LCLAT1: variants seen among roughly 807,000 people sequenced by gnomAD.
LCLAT1 encodes the protein lysocardiolipin acyltransferase 1.
Under a neutral mutation model 30.7 loss-of-function variants are expected in LCLAT1, and 11 were observed. The ratio of observed to expected loss-of-function variants is 0.36; its 90% confidence interval spans 0.23 to 0.59. The LOEUF (loss-of-function observed/expected upper bound fraction) is 0.59. Ranked by LOEUF, LCLAT1 falls within the 20% of genes least tolerant of loss-of-function variation. The pLI, the probability that LCLAT1 is intolerant of heterozygous loss-of-function variation, is 0.77. For missense variants in LCLAT1, 402 were observed against 458.6 expected (o/e 0.88, Z 1.13); for synonymous variants, 155 against 151.3 (o/e 1.02, Z -0.18).
At chr2:30,498,920 T>G (rs1684237077) in intron 1 of LCLAT1, among the ~76,000 whole-genome samples, 1 of 152,182 alleles carries the variant, frequency 6.6e-6, no homozygotes, top group South Asian at 2.1e-4. Flanking sequence ...ATCTCTAAAG[T>G]TACGTGTTTG....
intron 5 of LCLAT1, among the ~76,000 whole-genome samples, chr2:30,579,158 CT>C (rs1666113527): frequency 6.6e-6 from 1 of 151,988 alleles, no homozygotes; most frequent in Non-Finnish European, 1.5e-5. Context: ...TATTTTAAAA[CT>C]TTAGGGATGG....
At chr2:30,548,690 T>C (rs1664540558) in intron 3 of LCLAT1, among the ~76,000 whole-genome samples, 1 of 152,094 alleles carries the variant, frequency 6.6e-6, no homozygotes, top group African/African-American at 2.4e-5. Context: ...GGAAGGAAAA[T>C]AAAGGGATAA....
Position 30,640,248 on chromosome 2 carries a change from A to C in LCLAT1, c.760A>C (p.Thr254Pro). The C allele has an allele frequency of 6.2e-7, 1 of 1,614,034 alleles. No individual in the cohort carries two copies. The highest frequency in any genetic ancestry group is 8.5e-7 in the Non-Finnish European group (1 of 1,179,962). ...TCACGTCCACCGGTATCCAATAGACACCCTCCCCACATCCAAGGAGGACCT... is the reference window on the plus strand; with the variant it reads ...TCACGTCCACCGGTATCCAATAGACCCCCTCCCCACATCCAAGGAGGACCT... ...HFHVHRYPID[T>P]LPTSKEDLQL... Residue 254 changes from threonine to proline, a missense_variant, in exon 6 of 6, where the codon ACC becomes CCC. Physicochemically the swap from Thr to Pro is conservative, Grantham distance 38. Coordinates refer to ENST00000379509, the MANE Select transcript of LCLAT1 (RefSeq NM_001002257.3).
chr2:30,577,062 A>G (rs1666021703), intron 5 of LCLAT1, among the ~76,000 whole-genome samples: 2 of 150,464 alleles, frequency 1.3e-5, no homozygotes, highest in African/African-American at 2.4e-5. Flanking sequence ...TCTCCATTTT[A>G]TTTTGCATAG....
intron 5 of LCLAT1, among the ~76,000 whole-genome samples, chr2:30,592,260 T>C (rs1293354856): frequency 1.3e-5 from 2 of 152,184 alleles, no homozygotes. Context: ...ATTATTTTTC[T>C]TTCCTAACTT....
intron 5 of LCLAT1, among the ~76,000 whole-genome samples, chr2:30,597,895 TTGAGA>T (rs1558544664): frequency 6.6e-6 from 1 of 152,166 alleles, no homozygotes; most frequent in Non-Finnish European, 1.5e-5. Context: ...TCTGTATCTA[TTGAGA>T]TAACTATTTG....
intron 5 of LCLAT1, among the ~76,000 whole-genome samples, chr2:30,573,137 G>A (rs1015662855): frequency 1.1e-4 from 16 of 152,212 alleles, no homozygotes; most frequent in African/African-American, 3.9e-4. Context: ...TGTTGTGCAA[G>A]CCAGAAACCT....
intron 5 of LCLAT1, among the ~76,000 whole-genome samples, chr2:30,604,474 A>G (rs1370654703): frequency 2.0e-5 from 3 of 152,120 alleles, no homozygotes; most frequent in Admixed American, 1.3e-4. Flanking sequence ...AAATAAATGA[A>G]TGAGTATGTG....
At chr2:30,551,966 T>A (rs1664700170) in intron 3 of LCLAT1, among the ~76,000 whole-genome samples, 1 of 152,204 alleles carries the variant, frequency 6.6e-6, no homozygotes, top group Non-Finnish European at 1.5e-5. Flanking sequence ...TTCGTCTGAT[T>A]AGCAATCTTA....
At chr2:30,536,613 C>A (rs1286036995) in intron 3 of LCLAT1, among the ~76,000 whole-genome samples, 1 of 151,922 alleles carries the variant, frequency 6.6e-6, no homozygotes, top group African/African-American at 2.4e-5. Context: ...CTAGACTGGC[C>A]CTAAGAGAAA....
chr2:30,584,957 A>C lies in LCLAT1; in HGVS notation c.628+16781A>C, dbSNP rs953382868. 2.0e-5 allele frequency among the ~76,000 whole-genome samples: 3 copies of C among 151,772 alleles called. 1 individual carries two copies. The highest frequency in any genetic ancestry group is 7.3e-5 in the African/African-American group (3 of 41,296). The stretch of plus-strand genomic sequence containing the variant: ...ATATTACTATATTTCAAAAAAAAAA[A>C]AAAAAAAAAACCCTCTAGGCTTACC... On this transcript the variant is annotated intron_variant, in intron 5 of 5. Coordinates refer to ENST00000379509, the MANE Select transcript of LCLAT1 (RefSeq NM_001002257.3).
At chr2:30,469,947 T>A (rs1682690989) in intron 1 of LCLAT1, among the ~76,000 whole-genome samples, 1 of 152,132 alleles carries the variant, frequency 6.6e-6, no homozygotes, top group African/African-American at 2.4e-5. Context: ...GCCAAGCTAG[T>A]CTCAAACTTC....
At chr2:30,551,334 G>T (rs922030998) in intron 3 of LCLAT1, among the ~76,000 whole-genome samples, 3 of 152,090 alleles carry the variant, frequency 2.0e-5, no homozygotes, top group Admixed American at 6.5e-5. Flanking sequence ...TGGCTCTTAT[G>T]TCCTTTTGAC....
At chr2:30,582,444 T>G (rs1666247624) in intron 5 of LCLAT1, among the ~76,000 whole-genome samples, 1 of 152,210 alleles carries the variant, frequency 6.6e-6, no homozygotes, top group Non-Finnish European at 1.5e-5. Flanking sequence ...TATTTGTAGG[T>G]GATTATCCTA....
At chr2:30,526,100 G>A (rs1685705978) in intron 2 of LCLAT1, among the ~76,000 whole-genome samples, 1 of 152,150 alleles carries the variant, frequency 6.6e-6, no homozygotes, top group Non-Finnish European at 1.5e-5. Flanking sequence ...GTGGAGGGCT[G>A]CATGTATTTT....
chr2:30,531,271 A>G (rs1398274044), intron 2 of LCLAT1, among the ~76,000 whole-genome samples: 2 of 152,150 alleles, frequency 1.3e-5, no homozygotes, highest in East Asian at 3.9e-4. Context: ...TCTCAAAAGA[A>G]AAAAAAGAAA....
Position 30,533,269 on chromosome 2 carries a change from G to C in LCLAT1, c.319G>C (p.Glu107Gln). The C allele has an allele frequency of 6.2e-7, 1 of 1,614,084 alleles. No individual in the cohort carries two copies. Among genetic ancestry groups the C allele is most frequent in the Non-Finnish European group, 8.5e-7 (1 of 1,179,974 alleles). ...GATGCGATATAGCTACCTCAGATTGGAGAAAATTTGCCTCAAAGCGAGTCT... is the reference window on the plus strand; with the variant it reads ...GATGCGATATAGCTACCTCAGATTGCAGAAAATTTGCCTCAAAGCGAGTCT... ...CLMRYSYLRL[E>Q]KICLKASLKG... Residue 107 changes from glutamate (E) to glutamine (Q), a missense_variant, in exon 3 of 6, where the codon GAG (glutamate) becomes CAG (glutamine). Transcript: ENST00000379509.
intron 3 of LCLAT1, chr2:30,552,755 C>G (rs1664737127): frequency 4.7e-6 from 1 of 213,356 alleles, no homozygotes; most frequent in Non-Finnish European, 9.8e-6. Context: ...ACTTAACTCC[C>G]TGATTTATTT....
intron 5 of LCLAT1, chr2:30,607,106 G>C (rs1487819181): frequency 1.3e-5 from 2 of 152,148 alleles, no homozygotes; most frequent in African/African-American, 4.8e-5. Flanking sequence ...CAAGGCTGTG[G>C]AGCGAGAGGA....
Sources: allele counts gnomAD v4.1 joint callset (sites outside exome capture counted in the v4.1 genomes callset), GRCh38; gene constraint gnomAD v4.1.1; transcripts MANE v1.5; gene names NCBI Gene and HGNC (gene_info 2026-07-23, HGNC 2026-07-21).